Variants in SYNJ2 observed in about 807,000 individuals in gnomAD.
SYNJ2 encodes synaptojanin 2.
A neutral mutation model predicts 141.3 loss-of-function variants in SYNJ2; 116 were observed. That is an observed-to-expected ratio of 0.82 (90% CI 0.71 to 0.96). The LOEUF is 0.96. Ranked by LOEUF, SYNJ2 falls within the 40% of genes least tolerant of loss-of-function variation. SYNJ2 has a pLI of 0.00. For synonymous variants in SYNJ2, 745 were observed against 777.7 expected, an observed-to-expected ratio of 0.96 and a Z score of 0.70; for missense variants, 1,873 against 1,934.8, an observed-to-expected ratio of 0.97 and a Z score of 0.60.
intron 11 of SYNJ2, among the ~76,000 whole-genome samples, chr6:158,065,550 G>A (rs1302159731): frequency 6.6e-6 from 1 of 152,206 alleles, no homozygotes; most frequent in African/African-American, 2.4e-5. Context: ...ACCTGAGCCT[G>A]TAAACATATT....
intron 1 of SYNJ2, among the ~76,000 whole-genome samples, chr6:158,008,062 G>A (rs1583308953): frequency 6.6e-6 from 1 of 152,328 alleles, no homozygotes; most frequent in African/African-American, 2.4e-5. Context: ...AAAGTGCTGG[G>A]ATTACAGGGA....
chr6:157,987,216 A>C (rs1238000807), intron 1 of SYNJ2, among the ~76,000 whole-genome samples: 3 of 152,042 alleles, frequency 2.0e-5, no homozygotes, highest in African/African-American at 7.2e-5. Flanking sequence ...CGAACTCCTG[A>C]CCTCAGGTGA....
chr6:158,069,494 A>G, intron 13 of SYNJ2, 39 bp from the exon 14 acceptor site: 1 of 1,591,694 alleles, frequency 6.3e-7, no homozygotes, highest in Non-Finnish European at 8.6e-7. Flanking sequence ...ATGTACTTCC[A>G]GCTACCTGTA....
chr6:158,083,419 G>C lies in SYNJ2; in HGVS notation c.2866-10G>C. 17 of 1,612,200 alleles carry C rather than the reference G, an allele frequency of 1.1e-5. No individual in the cohort carries two copies. The highest frequency in any genetic ancestry group is 1.4e-5 in the Non-Finnish European group (17 of 1,178,492). On this transcript the variant is annotated splice_polypyrimidine_tract_variant and intron_variant, in intron 20 of 26. Transcript: ENST00000355585. ...TTATTTATTCCTGGGTGGCCGCTCT[G>C]CCCTCCCAGGTGAAAGGCAGAGCAG...
intron 5 of SYNJ2, among the ~76,000 whole-genome samples, chr6:158,052,325 A>C (rs1460640447): frequency 6.6e-6 from 1 of 152,248 alleles, no homozygotes; most frequent in Non-Finnish European, 1.5e-5. Flanking sequence ...ACCTTTTGCC[A>C]CACACGTTAT....
At chr6:158,066,145 C>T (rs913236928) in intron 11 of SYNJ2, among the ~76,000 whole-genome samples, 2 of 152,118 alleles carry the variant, frequency 1.3e-5, no homozygotes, top group South Asian at 4.1e-4. Flanking sequence ...TTTTCCCTGT[C>T]GTGTCTGAGA....
intron 1 of SYNJ2, among the ~76,000 whole-genome samples, chr6:158,012,267 T>C (rs374296917): frequency 6.6e-6 from 1 of 152,248 alleles, no homozygotes; most frequent in African/African-American, 2.4e-5. Context: ...CTTCCCAGGC[T>C]GTGAATGTGG....
Position 158,074,686 on chromosome 6 carries a change from G to A in SYNJ2, c.2240G>A (p.Trp747Ter). 6.2e-7 allele frequency: 1 copy of A among 1,613,960 alleles called. No individual in the cohort carries two copies. Among genetic ancestry groups the A allele is most frequent in the Non-Finnish European group, 8.5e-7 (1 of 1,179,984 alleles). Residue 747 changes from tryptophan (W) to a stop codon, truncating the protein, a stop_gained, in exon 16 of 27, where the codon TGG becomes TAG. Transcript: ENST00000355585. LOFTEE classifies it high-confidence loss of function. The stretch of plus-strand genomic sequence containing the variant: ...TTCTATTTTGTTAAACGCCAAGACT[G>A]GAAGAAACTTCTGGAATTTGATCAA... ...EVFYFVKRQD[W>*]KKLLEFDQLQ...
chr6:158,048,807 T>G (rs1225457312), intron 5 of SYNJ2, among the ~76,000 whole-genome samples: 1 of 152,124 alleles, frequency 6.6e-6, no homozygotes, highest in African/African-American at 2.4e-5. Flanking sequence ...AACCTACGGC[T>G]CCACATCACT....
At chr6:157,985,660 A>G (rs1291253743) in intron 1 of SYNJ2, among the ~76,000 whole-genome samples, 1 of 152,130 alleles carries the variant, frequency 6.6e-6, no homozygotes, top group African/African-American at 2.4e-5. Flanking sequence ...GATTTTGTGT[A>G]TTTTCAGAGT....
intron 4 of SYNJ2, among the ~76,000 whole-genome samples, chr6:158,036,122 C>T (rs1243881488): frequency 3.9e-5 from 6 of 152,142 alleles, no homozygotes; most frequent in Admixed American, 3.9e-4. Context: ...CCCCCTCACA[C>T]AAGTCAAATG....
rs145380502 is a variant in SYNJ2 at position 158,071,409 on chromosome 6, G to A, written c.1941-193G>A. ...GGTGTGGGGGAGATGTCCAGGCAGC[G>A]GTGGGCAGCAGGAGGGAGGCGGCCT... On this transcript the variant is annotated intron_variant, in intron 14 of 26. Transcript: ENST00000355585. This position sits in a 1 kb window ranked among gnomAD's most constrained non-coding sequence, Gnocchi z 4.3. Among the ~76,000 whole-genome samples the A allele has an allele frequency of 1.2e-3, 180 of 152,144 alleles. No homozygotes were observed. Among genetic ancestry groups the A allele is most frequent in the African/African-American group, 3.9e-3 (160 of 41,484 alleles).
At chr6:158,031,335 A>G (rs924061901) in intron 3 of SYNJ2, among the ~76,000 whole-genome samples, 1 of 152,152 alleles carries the variant, frequency 6.6e-6, no homozygotes, top group African/African-American at 2.4e-5. Context: ...TCTCTTCCCT[A>G]TGCCAGCTCT....
chr6:158,079,227 G>A (rs1042103216), intron 18 of SYNJ2: 2 of 152,248 alleles, frequency 1.3e-5, no homozygotes, highest in African/African-American at 4.8e-5. Context: ...CCTGCAGAAT[G>A]TCTTTAAAGA....
At position 158,033,460 on chromosome 6, in the gene SYNJ2, A is replaced by G. The variant is rs746487556; in HGVS notation, c.491A>G (p.Gln164Arg). The change falls in exon 4 of 27, where the codon CAG becomes CGG. Residue 164 changes from glutamine to arginine, a missense_variant. Physicochemically the swap from Gln to Arg is conservative, Grantham distance 43 (BLOSUM62 1). Transcript: ENST00000355585. Reference protein sequence around the residue: ...SEWGNSFFWNQLLHVPLRQHQ... With the variant: ...SEWGNSFFWNRLLHVPLRQHQ... Reference sequence around the variant, plus strand: ...TGTGGGACTGTGTTTTGCAGGAACCAGCTGTTGCACGTGCCCTTGAGGCAG... The same window carrying G: ...TGTGGGACTGTGTTTTGCAGGAACCGGCTGTTGCACGTGCCCTTGAGGCAG... 32 of 1,613,872 alleles carry G rather than the reference A, an allele frequency of 2.0e-5. No individual in the cohort carries two copies. In the Admixed American group the frequency reaches 4.7e-4, roughly 24 times the overall value.
chr6:158,087,056 GAA>G, intron 23 of SYNJ2, 67 bp downstream of exon 23: 7 of 1,543,588 alleles, frequency 4.5e-6, no homozygotes, highest in Non-Finnish European at 6.1e-6. Context: ...CCCTGCTACT[GAA>G]AACACGGCTC....
At position 158,043,284 on chromosome 6, in the gene SYNJ2, TA is replaced by T; in HGVS notation, c.712-31del. On this transcript the variant is annotated intron_variant, in intron 4 of 26. Coordinates refer to ENST00000355585, the MANE Select transcript of SYNJ2 (RefSeq NM_003898.4). This position sits in a 1 kb window ranked among gnomAD's most constrained non-coding sequence, Gnocchi z 4.0. ...CAGGACGTTCGGTTTCATTGAAGAATACCTTTCCCTTTCTGTTTCCTTGTGC... is the reference window on the plus strand; with the variant it reads ...CAGGACGTTCGGTTTCATTGAAGAATCCTTTCCCTTTCTGTTTCCTTGTGC... 1 of 1,599,858 alleles carries T rather than the reference TA, an allele frequency of 6.3e-7. No individual in the cohort carries two copies. The highest frequency in any genetic ancestry group is 8.6e-7 in the Non-Finnish European group (1 of 1,167,394).
At position 158,027,020 on chromosome 6, in the gene SYNJ2, G is replaced by C; in HGVS notation, c.215-1736G>C. 1 of 985,424 alleles carries C rather than the reference G, an allele frequency of 1.0e-6. No homozygotes were observed. Among genetic ancestry groups the C allele is most frequent in the Non-Finnish European group, 1.2e-6 (1 of 829,924 alleles). 61.0% of individuals were successfully genotyped at this position (985,424 alleles called of 1,614,324 possible). ...GGATGTGTCTGGGGAGATGTGATGGGATCAACCCCCTGCCCTGCTGGCAGC... is the reference window on the plus strand; with the variant it reads ...GGATGTGTCTGGGGAGATGTGATGGCATCAACCCCCTGCCCTGCTGGCAGC... On this transcript the variant is annotated intron_variant, in intron 2 of 26. Transcript: ENST00000355585. The surrounding 1 kb of genome is among the most constrained non-coding windows in gnomAD (Gnocchi z 4.6).
Position 158,027,392 on chromosome 6 carries a change from T to C in SYNJ2, c.215-1364T>C, listed in dbSNP as rs73793202. ...AAAGGCCGGTTTCTACCCGATGATC[T>C]CTTGGGCCCCGTCCCGAGAGTGAGG... is the stretch of plus-strand genomic sequence containing the variant. On this transcript the variant is annotated intron_variant, in intron 2 of 26. Transcript: ENST00000355585. This position sits in a 1 kb window ranked among gnomAD's most constrained non-coding sequence, Gnocchi z 4.6. 1.2e-3 allele frequency: 256 copies of C among 208,542 alleles called. No homozygotes were observed. The highest frequency in any genetic ancestry group is 5.8e-3 in the African/African-American group (249 of 42,606). The allele number at this position is 208,542 out of a possible 1,614,324, so 12.9% of individuals were successfully genotyped here. A position where few individuals can be genotyped will look rare whatever the true frequency, so the allele number is the denominator to read the frequency against.
Sources: allele counts gnomAD v4.1 joint callset (sites outside exome capture counted in the v4.1 genomes callset), GRCh38; gene constraint gnomAD v4.1.1; non-coding constraint Gnocchi (gnomAD v3.1); transcripts MANE v1.5; gene names NCBI Gene and HGNC (gene_info 2026-07-23, HGNC 2026-07-21).